Variants in HACD2 observed in about 807,000 individuals in gnomAD.
HACD2 encodes very-long-chain (3R)-3-hydroxyacyl-CoA dehydratase 2.
Under a neutral mutation model 31.0 loss-of-function variants are expected in HACD2, and 15 were observed. The observed-to-expected ratio is 0.48, with a 90% confidence interval of 0.32 to 0.75. The LOEUF is 0.75. Ranked by LOEUF, HACD2 falls within the 30% of genes least tolerant of loss-of-function variation. The pLI, the probability that HACD2 is intolerant of heterozygous loss-of-function variation, is 0.03. For synonymous variants in HACD2, 115 were observed against 122.2 expected (o/e 0.94, Z 0.39); for missense variants, 283 against 313.0 (o/e 0.90, Z 0.72).
chr3:123,532,655 T>A (rs1252462256), intron 3 of HACD2, among the ~76,000 whole-genome samples: 1 of 151,886 alleles, frequency 6.6e-6, no homozygotes, highest in Non-Finnish European at 1.5e-5. Context: ...CTGGCCAACA[T>A]GGTGAAACCC....
At chr3:123,550,139 T>C (rs896391974) in intron 3 of HACD2, among the ~76,000 whole-genome samples, 1 of 152,112 alleles carries the variant, frequency 6.6e-6, no homozygotes, top group Non-Finnish European at 1.5e-5. Context: ...TGAGACCCTG[T>C]TTCAACAACA....
intron 3 of HACD2, among the ~76,000 whole-genome samples, chr3:123,537,843 C>G (rs2056444858): frequency 6.6e-6 from 1 of 151,990 alleles, no homozygotes; most frequent in East Asian, 1.9e-4. Flanking sequence ...TCCACACTGC[C>G]TACTTTTAAA....
chr3:123,545,632 C>A (rs1005413483), intron 3 of HACD2, among the ~76,000 whole-genome samples: 7 of 148,672 alleles, frequency 4.7e-5, no homozygotes, highest in Non-Finnish European at 1.0e-4. Flanking sequence ...GGTACAATTT[C>A]CACTGAAACA....
intron 4 of HACD2, among the ~76,000 whole-genome samples, chr3:123,514,429 T>TA (rs5852341): frequency 0.78 from 118,131 of 151,128 alleles, 47,982 homozygotes; most frequent in Non-Finnish European, 0.9. Flanking sequence ...AATTGTTTTC[T>TA]AAAAATCACC....
Position 123,528,400 on chromosome 3 carries a change from G to A in HACD2, c.367C>T (p.His123Tyr). The A allele has an allele frequency of 6.2e-7, 1 of 1,605,174 alleles. No individual in the cohort carries two copies. Among genetic ancestry groups the A allele is most frequent in the East Asian group, 2.2e-5 (1 of 44,786 alleles). The stretch of plus-strand genomic sequence containing the variant: ...TAAACACTTACCTCTTTGACGCTAT[G>A]TGTTACTGCCCATATTAGAAAAACT... ...SRVFLIWAVT[H>Y]SVKEVQSEDS... The change falls in exon 4 of 7, where the codon CAT (histidine) becomes TAT (tyrosine). Residue 123 changes from histidine (H) to tyrosine (Y), a missense_variant. His to Tyr is a moderately conservative substitution (Grantham distance 83). Coordinates refer to ENST00000383657, the MANE Select transcript of HACD2 (RefSeq NM_198402.5).
At chr3:123,545,307 C>G (rs2056545284) in intron 3 of HACD2, among the ~76,000 whole-genome samples, 1 of 150,472 alleles carries the variant, frequency 6.6e-6, no homozygotes, top group Admixed American at 6.6e-5. Context: ...CATGGCGAAA[C>G]CCCGTCTCTA....
rs1404446156 is a variant in HACD2 at position 123,499,763 on chromosome 3, A to T, written c.682+752T>A. The T allele has an allele frequency of 1.3e-5, 5 of 374,060 alleles. No homozygotes were observed. The East Asian group carries it at 3.7e-4, about 27-fold the overall frequency. The allele number at this position is 374,060 out of a possible 1,614,324, so 23.2% of individuals were successfully genotyped here. On this transcript the variant is annotated intron_variant, in intron 6 of 6. Transcript: ENST00000383657. ...ACTGTATGTCGTTGGTTATAAGAAG[A>T]TCTTTTGGTATATAGAAATCAATCA...
chr3:123,523,090 C>T (rs1021547051), intron 4 of HACD2, among the ~76,000 whole-genome samples: 7 of 152,134 alleles, frequency 4.6e-5, no homozygotes, highest in Non-Finnish European at 1.0e-4. Flanking sequence ...ACAGGAGACA[C>T]GCCAACCAGG....
intron 4 of HACD2, among the ~76,000 whole-genome samples, chr3:123,523,014 C>G (rs1430367338): frequency 6.6e-6 from 1 of 152,152 alleles, no homozygotes; most frequent in Non-Finnish European, 1.5e-5. Flanking sequence ...ATACCACGTT[C>G]ACGGATGGCG....
Position 123,507,509 on chromosome 3 carries a change from C to A in HACD2, c.382-4828G>T, listed in dbSNP as rs116733708. ...CATGTTGAATGAAAGAAGCCAAAAG[C>A]AAATCATCATACATTATATGATTCC... On this transcript the variant is annotated intron_variant, in intron 4 of 6. Transcript: ENST00000383657. Among the ~76,000 whole-genome samples the A allele has an allele frequency of 2.8e-3, 429 of 152,174 alleles. 3 individuals are homozygous for A. The highest frequency in any genetic ancestry group is 9.8e-3 in the African/African-American group (407 of 41,522).
intron 3 of HACD2, among the ~76,000 whole-genome samples, chr3:123,564,176 G>A (rs1424995298): frequency 6.6e-6 from 1 of 152,210 alleles, no homozygotes; most frequent in African/African-American, 2.4e-5. Flanking sequence ...CTGGGAGTGT[G>A]GGTCATGCTG....
intron 3 of HACD2, among the ~76,000 whole-genome samples, chr3:123,550,961 G>T (rs2056613561): frequency 6.6e-6 from 1 of 152,178 alleles, no homozygotes; most frequent in African/African-American, 2.4e-5. Context: ...TGACTAAGGT[G>T]CAGGATGAGA....
intron 3 of HACD2, among the ~76,000 whole-genome samples, chr3:123,565,004 G>A (rs1003818981): frequency 1.3e-5 from 2 of 152,108 alleles, no homozygotes; most frequent in Admixed American, 1.3e-4. Context: ...TCCTCAGGAT[G>A]GACTATACCA....
At chr3:123,554,576 A>G (rs372412311) in intron 3 of HACD2, among the ~76,000 whole-genome samples, 8 of 152,322 alleles carry the variant, frequency 5.3e-5, no homozygotes, top group African/African-American at 1.9e-4. Flanking sequence ...AATATAACAG[A>G]GTATGTAGCA....
chr3:123,538,067 A>G (rs1202397017), intron 3 of HACD2, among the ~76,000 whole-genome samples: 1 of 152,204 alleles, frequency 6.6e-6, no homozygotes, highest in Non-Finnish European at 1.5e-5. Context: ...CAGGAGCCGG[A>G]GCAGATTCAA....
intron 3 of HACD2, among the ~76,000 whole-genome samples, chr3:123,532,166 C>A (rs375791712): frequency 1.3e-5 from 2 of 152,336 alleles, no homozygotes. Flanking sequence ...CTGATCAATA[C>A]TTTCTAATTG....
intron 6 of HACD2, among the ~76,000 whole-genome samples, chr3:123,498,688 G>A (rs777102944): frequency 6.6e-6 from 1 of 152,144 alleles, no homozygotes; most frequent in Non-Finnish European, 1.5e-5. Context: ...CCATGAAACC[G>A]GTCCCTGATG....
chr3:123,500,454 T>C (rs2055888699), intron 6 of HACD2, 61 bp downstream of exon 6: 1 of 1,042,456 alleles, frequency 9.6e-7, no homozygotes, highest in East Asian at 2.4e-5. Flanking sequence ...TCAAAGATAT[T>C]TAGTTATTGT....
chr3:123,522,531 C>T (rs1216171545), intron 4 of HACD2, among the ~76,000 whole-genome samples: 5 of 152,170 alleles, frequency 3.3e-5, no homozygotes, highest in African/African-American at 7.2e-5. Flanking sequence ...ATATAGGTAA[C>T]GGCAAAAGGA....
Sources: allele counts gnomAD v4.1 joint callset (sites outside exome capture counted in the v4.1 genomes callset), GRCh38; gene constraint gnomAD v4.1.1; transcripts MANE v1.5; gene names NCBI Gene and HGNC (gene_info 2026-07-23, HGNC 2026-07-21).